CHD7: variants seen among roughly 807,000 people sequenced by gnomAD.
CHD7 encodes the protein chromodomain helicase DNA binding protein 7, also known as ATP-dependent chromatin remodeler CHD7.
Under a neutral mutation model 307.3 loss-of-function variants are expected in CHD7, and 24 were observed. That is an observed-to-expected ratio of 0.08 (90% CI 0.06 to 0.11). The LOEUF is 0.11. CHD7 is among the 10% of genes least tolerant of loss of function. CHD7 has a pLI of 1.00. For synonymous variants in CHD7, 1,363 were observed against 1,349.9 expected (o/e 1.01, Z -0.21); for missense variants, 3,106 against 3,727.1 (o/e 0.83, Z 4.34).
intron 1 of CHD7, among the ~76,000 whole-genome samples, chr8:60,682,274 C>G (rs1389246330): frequency 1.3e-5 from 2 of 152,118 alleles, no homozygotes; most frequent in East Asian, 3.8e-4. Flanking sequence ...CTAGGTTAGC[C>G]TTACTTTTAT....
intron 1 of CHD7, among the ~76,000 whole-genome samples, chr8:60,705,011 G>A (rs2150513845): frequency 6.6e-6 from 1 of 152,238 alleles, no homozygotes; most frequent in South Asian, 2.1e-4. Flanking sequence ...TTCTCACCTG[G>A]TTAGGATAGG....
intron 1 of CHD7, 81 bp from the exon 2 acceptor site, chr8:60,741,178 C>A: frequency 2.0e-6 from 1 of 499,474 alleles, no homozygotes; most frequent in Non-Finnish European, 3.5e-6. Context: ...TTCAGATGTA[C>A]AAAATACTGG....
chr8:60,729,335 A>T (rs904389464), intron 1 of CHD7, among the ~76,000 whole-genome samples: 2 of 152,074 alleles, frequency 1.3e-5, no homozygotes, highest in African/African-American at 4.8e-5. Context: ...ACCTTTATTT[A>T]TATTCTTTAG....
intron 1 of CHD7, among the ~76,000 whole-genome samples, chr8:60,726,342 A>T (rs1209829815): frequency 6.6e-6 from 1 of 152,180 alleles, no homozygotes; most frequent in Non-Finnish European, 1.5e-5. Context: ...CCACTTCCCC[A>T]TTCTGGAGAT....
rs1218577575 is a variant in CHD7 at position 60,865,798 on chromosome 8, T to C, written c.8859T>C (p.Leu2953=). ...GACCCTTTAAAGATGGAGAGACCCT[T>C]GAAGGCAGCGATGCCGAGGAGAGCC... ...EGGPFKDGET[L]EGSDAEESLD... Residue 2953 remains leucine, a synonymous_variant, in exon 38 of 38, where the codon CTT becomes CTC. Coordinates refer to ENST00000423902, the MANE Select transcript of CHD7 (RefSeq NM_017780.4). The surrounding 1 kb of genome is among the most constrained non-coding windows in gnomAD (Gnocchi z 4.3). 5 of 1,613,888 alleles carry C rather than the reference T, an allele frequency of 3.1e-6. No homozygotes were observed. Among genetic ancestry groups the C allele is most frequent in the Non-Finnish European group, 4.2e-6 (5 of 1,179,890 alleles).
intron 6 of CHD7, 82 bp downstream of exon 6, chr8:60,801,675 A>G: frequency 1.2e-6 from 1 of 863,490 alleles, no homozygotes; most frequent in Non-Finnish European, 1.8e-6. Flanking sequence ...TTCTTTTAAA[A>G]TTCTAATATT....
chr8:60,788,947 A>G (rs562709803), intron 3 of CHD7, among the ~76,000 whole-genome samples: 3 of 152,346 alleles, frequency 2.0e-5, no homozygotes, highest in East Asian at 3.9e-4. Flanking sequence ...ATTTTACTCT[A>G]TGATGTACCA....
intron 1 of CHD7, among the ~76,000 whole-genome samples, chr8:60,711,235 T>A (rs1158337378): frequency 6.6e-6 from 1 of 152,222 alleles, no homozygotes; most frequent in Non-Finnish European, 1.5e-5. Context: ...TAGGCTTAAT[T>A]ATAGTCCCAC....
At chr8:60,721,849 G>A (rs1807925347) in intron 1 of CHD7, among the ~76,000 whole-genome samples, 1 of 152,160 alleles carries the variant, frequency 6.6e-6, no homozygotes. Context: ...CAGAGCCTCA[G>A]TTGCATTATC....
intron 1 of CHD7, among the ~76,000 whole-genome samples, chr8:60,736,133 G>A (rs116913993): frequency 3.6e-3 from 545 of 152,278 alleles, no homozygotes; most frequent in Non-Finnish European, 6.1e-3. Flanking sequence ...AAGCAAATAC[G>A]GAAAATACTT....
chr8:60,791,888 C>T (rs1052482822), intron 3 of CHD7, among the ~76,000 whole-genome samples: 2 of 152,178 alleles, frequency 1.3e-5, no homozygotes, highest in East Asian at 3.8e-4. Context: ...TGAAGTCATC[C>T]TCAGTGAAGG....
Position 60,852,234 on chromosome 8 carries a change from G to T in CHD7, c.5881G>T (p.Glu1961Ter). Reference sequence around the variant, plus strand: ...AGCGGAAAGGGAAGCTATTATATCTGAGAAGCGGCAAAAGTGAGTTTCTTC... The same window carrying T: ...AGCGGAAAGGGAAGCTATTATATCTTAGAAGCGGCAAAAGTGAGTTTCTTC... ...LEAEREAIISEKRQKWTRREE... is the reference protein window; with the variant it reads ...LEAEREAIIS The change falls in exon 29 of 38, where the codon GAG (glutamate) becomes TAG (stop). Residue 1961 changes from glutamate (E) to a stop codon, truncating the protein, a stop_gained. Coordinates refer to ENST00000423902, the MANE Select transcript of CHD7 (RefSeq NM_017780.4). LOFTEE classifies it high-confidence loss of function. 1 of 1,612,530 alleles carries T rather than the reference G, an allele frequency of 6.2e-7. No homozygotes were observed. Among genetic ancestry groups the T allele is most frequent in the South Asian group, 1.1e-5 (1 of 91,008 alleles).
In CHD7 at chr8:60,845,878, A is replaced by G. The variant is rs1586433210; in HGVS notation, c.5210+469A>G. 2.0e-5 allele frequency among the ~76,000 whole-genome samples: 3 copies of G among 152,338 alleles called. No homozygotes were observed. In the South Asian group the frequency reaches 6.2e-4, roughly 32 times the overall value. ...ATAAACACTGTATCAATTAAACAGT[A>G]ACTTGCCTGGCCCCTGGCAATCACC... On this transcript the variant is annotated intron_variant, in intron 23 of 37. Transcript: ENST00000423902.
intron 2 of CHD7, among the ~76,000 whole-genome samples, chr8:60,743,644 G>A (rs182832306): frequency 1.1e-3 from 175 of 152,326 alleles, no homozygotes; most frequent in African/African-American, 4.0e-3. Context: ...CACAGTAAAT[G>A]ATAATTCACA....
rs1389161852 is a variant in CHD7 at position 60,772,844 on chromosome 8, C to T, written c.1666-8156C>T. On this transcript the variant is annotated intron_variant, in intron 2 of 37. Transcript: ENST00000423902. Reference sequence around the variant, plus strand: ...ATAATGTCCAGTAGAAGAACATTTGCTGATTTACTGCCATAAGGAGCTCAG... The same window carrying T: ...ATAATGTCCAGTAGAAGAACATTTGTTGATTTACTGCCATAAGGAGCTCAG... Among the ~76,000 whole-genome samples, 5 of 152,284 alleles carry T rather than the reference C, an allele frequency of 3.3e-5. No individual in the cohort carries two copies. In the East Asian group the frequency reaches 9.6e-4, roughly 29 times the overall value.
chr8:60,714,569 C>T lies in CHD7; in HGVS notation c.-174-26690C>T, dbSNP rs953894482. 5.9e-5 allele frequency among the ~76,000 whole-genome samples: 9 copies of T among 152,324 alleles called. No homozygotes were observed. In the East Asian group the frequency reaches 1.7e-3, roughly 29 times the overall value. ...TGGCTCAGCCCTCAGCCCTCCTGGC[C>T]CCTGGGCTTCTCGAAATGGCCACAC... On this transcript the variant is annotated intron_variant, in intron 1 of 37. Coordinates refer to ENST00000423902, the MANE Select transcript of CHD7 (RefSeq NM_017780.4).
At chr8:60,786,603 G>A (rs531934656) in intron 3 of CHD7, among the ~76,000 whole-genome samples, 10 of 152,248 alleles carry the variant, frequency 6.6e-5, no homozygotes, top group South Asian at 6.2e-4. Context: ...GCCGTGAGCC[G>A]CAGTGGGATG....
chr8:60,742,023 T>C lies in CHD7; in HGVS notation c.591T>C (p.Asp197=), dbSNP rs370746341. ...QQMGSYMARG[D]FSMQQHGQPQ... ...TGGGCAGCTATATGGCACGTGGGGA[T>C]TTTTCCATGCAGCAGCATGGTCAGC... Residue 197 remains aspartate, a synonymous_variant, in exon 2 of 38, where the codon GAT becomes GAC. Transcript: ENST00000423902. The C allele has an allele frequency of 1.9e-6, 3 of 1,613,402 alleles. No homozygotes were observed. In the African/African-American group the frequency reaches 4.0e-5, roughly 22 times the overall value.
intron 1 of CHD7, among the ~76,000 whole-genome samples, chr8:60,733,267 C>A (rs1269198005): frequency 8.6e-6 from 1 of 116,896 alleles, no homozygotes; most frequent in African/African-American, 3.3e-5. Flanking sequence ...GGGATAGATA[C>A]ACATATTTTA....
Sources: allele counts gnomAD v4.1 joint callset (sites outside exome capture counted in the v4.1 genomes callset), GRCh38; gene constraint gnomAD v4.1.1; non-coding constraint Gnocchi (gnomAD v3.1); transcripts MANE v1.5; gene names NCBI Gene and HGNC (gene_info 2026-07-23, HGNC 2026-07-21).